ZNF124: variants seen among roughly 807,000 people sequenced by gnomAD.
ZNF124 encodes the protein zinc finger protein HZF-16.
Under a neutral mutation model 26.6 loss-of-function variants are expected in ZNF124, and 25 were observed. The observed-to-expected ratio is 0.94, with a 90% confidence interval of 0.68 to 1.31. The LOEUF (loss-of-function observed/expected upper bound fraction) is 1.31. ZNF124 is among the 40% of genes most tolerant of loss of function. The probability of loss-of-function intolerance (pLI) is 0.00; values close to 1 mark genes in which losing one functional copy is unlikely to be tolerated. For synonymous variants in ZNF124, 129 were observed against 133.3 expected (o/e 0.97, Z 0.22); for missense variants, 444 against 422.2 (o/e 1.05, Z -0.45).
intron 3 of ZNF124, among the ~76,000 whole-genome samples, chr1:247,144,024 G>T (rs548720804): frequency 6.6e-6 from 1 of 152,126 alleles, no homozygotes; most frequent in Non-Finnish European, 1.5e-5. Context: ...AGACCAAAAG[G>T]ATATGAACCC....
chr1:247,153,916 C>T (rs1673016984), downstream of ZNF124, among the ~76,000 whole-genome samples: 1 of 152,212 alleles, frequency 6.6e-6, no homozygotes, highest in African/African-American at 2.4e-5. Context: ...TTTCCCTTGT[C>T]TTTGCTCATC....
At chr1:247,161,659 G>GA (rs374388105) in intron 1 of ZNF124, among the ~76,000 whole-genome samples, 18 of 150,498 alleles carry the variant, frequency 1.2e-4, no homozygotes, top group East Asian at 5.8e-4. Context: ...TAAAAAATGG[G>GA]AAAAAAAAGC....
At chr1:247,132,269 A>G (rs548038883) in intron 3 of ZNF124, among the ~76,000 whole-genome samples, 2 of 151,096 alleles carry the variant, frequency 1.3e-5, no homozygotes, top group South Asian at 4.2e-4. Context: ...AGGCCCTCAG[A>G]AAAACCCCAT....
chr1:247,128,722 G>C (rs1672275717), intron 3 of ZNF124, among the ~76,000 whole-genome samples: 1 of 149,044 alleles, frequency 6.7e-6, no homozygotes, highest in South Asian at 2.1e-4. Context: ...CTGCCCTCTG[G>C]ATTGTCTCAT....
At chr1:247,170,562 C>T (rs1674049571) in intron 1 of ZNF124, among the ~76,000 whole-genome samples, 2 of 144,300 alleles carry the variant, frequency 1.4e-5, no homozygotes, top group African/African-American at 5.6e-5. Context: ...AGACAAAACC[C>T]CTCAGACACC....
Position 247,157,087 on chromosome 1 carries a change from C to T in ZNF124, c.535G>A (p.Glu179Lys), listed in dbSNP as rs756758814. 1 of 1,614,192 alleles carries T rather than the reference C, an allele frequency of 6.2e-7. No homozygotes were observed. Among genetic ancestry groups the T allele is most frequent in the Non-Finnish European group, 8.5e-7 (1 of 1,180,042 alleles). ...AAGGCTTTCCCACATTGCTTACATT[C>T]ATAGCGTTTTTCTCCAGTGTGAATC... Reference protein sequence around the residue: ...KRIHTGEKRYECKQCGKAFSR... With the variant: ...KRIHTGEKRYKCKQCGKAFSR... Residue 179 changes from glutamate to lysine, a missense_variant, in exon 4 of 4, where the codon GAA becomes AAA. Coordinates refer to ENST00000543802, the MANE Select transcript of ZNF124 (RefSeq NM_001297568.2).
chr1:247,125,534 G>A (rs1466108331), intron 3 of ZNF124, among the ~76,000 whole-genome samples: 1 of 142,622 alleles, frequency 7.0e-6, no homozygotes, highest in East Asian at 2.1e-4. Context: ...CCGTTTCAAG[G>A]GATTCTCCTG....
At chr1:247,130,315 T>C (rs1672309301) in intron 3 of ZNF124, among the ~76,000 whole-genome samples, 1 of 152,194 alleles carries the variant, frequency 6.6e-6, no homozygotes, top group Non-Finnish European at 1.5e-5. Context: ...TGTTCTTTTC[T>C]GGGGGTGGTT....
At chr1:247,138,990 G>A (rs756450766) in intron 3 of ZNF124, among the ~76,000 whole-genome samples, 11 of 152,172 alleles carry the variant, frequency 7.2e-5, no homozygotes, top group Non-Finnish European at 1.5e-4. Flanking sequence ...CTTATCTACC[G>A]ATGACCTGAA....
rs544238759 is a variant in ZNF124 at position 247,168,552 on chromosome 1, CAAAA to C, written c.30+3292_30+3295del. ...CTGTCTCAATTAAAAAACAAACAAA[CAAAA>C]ACACTTGCACACGCATGTTAACAGT... On this transcript the variant is annotated intron_variant, in intron 1 of 3. Coordinates refer to ENST00000543802, the MANE Select transcript of ZNF124 (RefSeq NM_001297568.2). The surrounding 1 kb of genome is among the most constrained non-coding windows in gnomAD (Gnocchi z 4.0). Among the ~76,000 whole-genome samples the C allele has an allele frequency of 6.7e-6, 1 of 150,250 alleles. No individual in the cohort carries two copies. The highest frequency in any genetic ancestry group is 2.5e-5 in the African/African-American group (1 of 40,550).
intron 1 of ZNF124, among the ~76,000 whole-genome samples, chr1:247,166,499 C>T (rs1333599043): frequency 6.6e-6 from 1 of 152,136 alleles, no homozygotes. Flanking sequence ...AGGTTGATTC[C>T]ATGTATTTGC....
At chr1:247,159,185 G>T in intron 2 of ZNF124, 119 bp from the exon 3 acceptor site, 1 of 885,802 alleles carries the variant, frequency 1.1e-6, no homozygotes, top group Non-Finnish European at 1.7e-6. Flanking sequence ...CTGTAATTTG[G>T]TCATCAATAT....
intron 1 of ZNF124, among the ~76,000 whole-genome samples, chr1:247,169,534 C>T (rs1673972636): frequency 6.6e-6 from 1 of 152,084 alleles, no homozygotes; most frequent in Admixed American, 6.5e-5. Context: ...CCCAGTGTCC[C>T]CACTGTGTCC....
chr1:247,162,493 T>C (rs1227241198), intron 1 of ZNF124, among the ~76,000 whole-genome samples: 1 of 152,012 alleles, frequency 6.6e-6, no homozygotes, highest in Non-Finnish European at 1.5e-5. Flanking sequence ...GTGTGTGGTA[T>C]ATTATGCCAT....
intron 3 of ZNF124, among the ~76,000 whole-genome samples, chr1:247,146,205 C>T (rs577387242): frequency 1.1e-4 from 17 of 152,304 alleles, no homozygotes; most frequent in African/African-American, 4.1e-4. Flanking sequence ...TTAGGGAATA[C>T]TTAGTGAAGT....
downstream of ZNF124, among the ~76,000 whole-genome samples, chr1:247,151,075 A>G (rs969557805): frequency 3.3e-5 from 5 of 152,156 alleles, no homozygotes; most frequent in East Asian, 3.8e-4. Context: ...AGGTTATTCA[A>G]TAACTAAAAA....
rs75523510 is a variant in ZNF124 at position 247,140,979 on chromosome 1, C to A, written c.219-17108G>T. ...CTGGGGCACTCTCAGGGCTTATGTTCCTCCCCTGGCTTGGAGGCAGCAGAG... is the reference window on the plus strand; with the variant it reads ...CTGGGGCACTCTCAGGGCTTATGTTACTCCCCTGGCTTGGAGGCAGCAGAG... On this transcript the variant is annotated intron_variant, in intron 3 of 3. Transcript: ENST00000472531. 7.2e-3 allele frequency among the ~76,000 whole-genome samples: 1,093 copies of A among 152,250 alleles called. 18 individuals carry two copies. The highest frequency in any genetic ancestry group is 0.024 in the African/African-American group (992 of 41,532).
chr1:247,125,494 A>AGTGCAATGGTGC (rs149193366), intron 3 of ZNF124, among the ~76,000 whole-genome samples: 39,802 of 123,728 alleles, frequency 0.32, 6,217 homozygotes, highest in Middle Eastern at 0.5. Context: ...CCCAGGCTGG[A>AGTGCAATGGTGC]GATCTCCACT....
chr1:247,159,562 TG>T, intron 2 of ZNF124, 124 bp downstream of exon 2: 2 of 925,122 alleles, frequency 2.2e-6, no homozygotes, highest in Non-Finnish European at 3.3e-6. Context: ...CATTGCACAC[TG>T]GGTCCATGCC....
Sources: allele counts gnomAD v4.1 joint callset (sites outside exome capture counted in the v4.1 genomes callset), GRCh38; gene constraint gnomAD v4.1.1; non-coding constraint Gnocchi (gnomAD v3.1); transcripts MANE v1.5; gene names NCBI Gene and HGNC (gene_info 2026-07-23, HGNC 2026-07-21).